Variants in LOC128092249 observed in about 807,000 individuals in gnomAD.
At chr21:46,326,401 A>G in the LOC128092249 span, 2 of 1,614,234 alleles carry the variant, frequency 1.2e-6, no homozygotes, top group African/African-American at 2.7e-5. Context: ...ACAGAGAAAA[A>G]CAAAAGGTGA....
the LOC128092249 span, chr21:46,326,481 G>GAGTCCGGTAACCAAGGAGGAC: frequency 6.2e-7 from 1 of 1,614,256 alleles, no homozygotes; most frequent in Non-Finnish European, 8.5e-7. Flanking sequence ...TCCAGGAGGA[G>GAGTCCGGTAACCAAGGAGGAC]AGTCCGGTAA....
At chr21:46,326,356 C>G in the LOC128092249 span, 2 of 1,612,248 alleles carry the variant, frequency 1.2e-6, no homozygotes, top group Non-Finnish European at 1.7e-6. Context: ...GCCTTTACTA[C>G]TTATCTACAT....
chr21:46,326,334 T>G, the LOC128092249 span: 1 of 1,590,674 alleles, frequency 6.3e-7, no homozygotes, highest in Non-Finnish European at 8.6e-7. Context: ...TATTTTTTTC[T>G]CACTTACCTT....
chr21:46,326,405 A>G, the LOC128092249 span: 6 of 1,614,246 alleles, frequency 3.7e-6, no homozygotes, highest in Non-Finnish European at 5.1e-6. Context: ...AGAAAAACAA[A>G]AGGTGACAGT....
the LOC128092249 span, chr21:46,326,310 C>T: frequency 6.7e-7 from 1 of 1,490,134 alleles, no homozygotes; most frequent in East Asian, 2.3e-5. Flanking sequence ...AGTCTGTTGA[C>T]TTTGTGGTTC....
At chr21:46,326,298 C>T in the LOC128092249 span, 1 of 1,384,062 alleles carries the variant, frequency 7.2e-7, no homozygotes, top group Admixed American at 1.9e-5. Flanking sequence ...ATGGTCCCCA[C>T]CAGTCTGTTG....
At chr21:46,326,324 T>C in the LOC128092249 span, 1 of 1,567,084 alleles carries the variant, frequency 6.4e-7, no homozygotes, top group Non-Finnish European at 8.8e-7. Context: ...GTGGTTCTGT[T>C]ATTTTTTTCT....
the LOC128092249 span, chr21:46,326,313 T>C: frequency 1.3e-6 from 2 of 1,504,258 alleles, no homozygotes; most frequent in Non-Finnish European, 1.8e-6. Flanking sequence ...CTGTTGACTT[T>C]GTGGTTCTGT....
chr21:46,326,314 G>C, the LOC128092249 span: 2 of 1,510,478 alleles, frequency 1.3e-6, no homozygotes, highest in Non-Finnish European at 1.8e-6. Context: ...TGTTGACTTT[G>C]TGGTTCTGTT....
chr21:46,326,296 C>A, the LOC128092249 span: 1 of 1,368,024 alleles, frequency 7.3e-7, no homozygotes, highest in Non-Finnish European at 1.0e-6. Flanking sequence ...TCATGGTCCC[C>A]ACCAGTCTGT....
the LOC128092249 span, chr21:46,326,342 C>G: frequency 1.2e-6 from 2 of 1,603,200 alleles, no homozygotes; most frequent in South Asian, 1.1e-5. Flanking sequence ...TCTCACTTAC[C>G]TTTGCCTTTA....
the LOC128092249 span, chr21:46,326,481 G>C: frequency 1.9e-6 from 3 of 1,614,256 alleles, no homozygotes; most frequent in South Asian, 2.2e-5. Context: ...TCCAGGAGGA[G>C]AGTCCGGTAA....
chr21:46,326,361 C>T, the LOC128092249 span: 8 of 1,613,304 alleles, frequency 5.0e-6, no homozygotes, highest in Admixed American at 3.3e-5. Context: ...TACTACTTAT[C>T]TACATTTTTG....
chr21:46,326,391 A>G, the LOC128092249 span: 1 of 1,614,042 alleles, frequency 6.2e-7, no homozygotes, highest in Non-Finnish European at 8.5e-7. Context: ...CTCACTTCCG[A>G]CAGAGAAAAA....
At chr21:46,326,294 C>A in the LOC128092249 span, 3 of 1,345,200 alleles carry the variant, frequency 2.2e-6, no homozygotes, top group East Asian at 2.5e-5. Flanking sequence ...CCTCATGGTC[C>A]CCACCAGTCT....
the LOC128092249 span, chr21:46,326,380 G>C: frequency 1.1e-5 from 18 of 1,614,130 alleles, no homozygotes; most frequent in Admixed American, 1.7e-5. Context: ...TGCGCAGCTT[G>C]CTCACTTCCG....
the LOC128092249 span, chr21:46,326,393 A>C: frequency 1.2e-6 from 2 of 1,614,206 alleles, no homozygotes; most frequent in East Asian, 4.5e-5. Context: ...CACTTCCGAC[A>C]GAGAAAAACA....
the LOC128092249 span, chr21:46,326,393 A>G: frequency 4.6e-5 from 75 of 1,614,206 alleles, 1 homozygote; most frequent in South Asian, 5.6e-4. Context: ...CACTTCCGAC[A>G]GAGAAAAACA....
At chr21:46,326,291 G>T in the LOC128092249 span, 12 of 1,320,842 alleles carry the variant, frequency 9.1e-6, no homozygotes, top group South Asian at 1.4e-4. Flanking sequence ...GGGCCTCATG[G>T]TCCCCACCAG....
Sources: allele counts gnomAD v4.1 joint callset, GRCh38; gene constraint gnomAD v4.1.1; transcripts MANE v1.5.